Variants in AEN observed in about 807,000 individuals in gnomAD.
The protein encoded by AEN is apoptosis enhancing nuclease.
AEN carries 21 observed loss-of-function variants against 17.7 expected under a neutral mutation model. The observed-to-expected ratio is 1.19, with a 90% confidence interval of 0.84 to 1.71. AEN has a LOEUF of 1.71. Among genes scored for constraint, AEN ranks in the 40% most tolerant of loss-of-function variants. The pLI, the probability that AEN is intolerant of heterozygous loss-of-function variation, is 0.00. For synonymous variants in AEN, 190 were observed against 173.0 expected, an observed-to-expected ratio of 1.10 and a Z score of -0.77; for missense variants, 462 against 435.9, an observed-to-expected ratio of 1.06 and a Z score of -0.53.
In AEN at chr15:88,630,433, A is replaced by G. The variant is rs565627249; in HGVS notation, c.*139A>G. On this transcript the variant is annotated 3_prime_UTR_variant, in exon 4 of 4. Transcript: ENST00000332810. The surrounding 1 kb of genome is among the most constrained non-coding windows in gnomAD (Gnocchi z 5.1). ...CCCCAGGGCCAGAGGAGTAGGGGTC[A>G]TCTGTTACCTTGACACCCTCTGCAC... 6.6e-5 allele frequency: 47 copies of G among 714,544 alleles called. No individual in the cohort carries two copies. In the African/African-American group the frequency reaches 6.9e-4, roughly 10 times the overall value. 44.3% of individuals were successfully genotyped at this position (714,544 alleles called of 1,614,324 possible).
At chr15:88,625,157 T>C (rs954621460) in intron 1 of AEN, among the ~76,000 whole-genome samples, 1 of 152,210 alleles carries the variant, frequency 6.6e-6, no homozygotes, top group South Asian at 2.1e-4. Flanking sequence ...CTGCAAGCAC[T>C]TCAGATCAGG....
chr15:88,604,788 A>T, the AEN span: 1 of 152,164 alleles, frequency 6.6e-6, no homozygotes, highest in Non-Finnish European at 1.5e-5. This position sits in a 1 kb window ranked among gnomAD's most constrained non-coding sequence, Gnocchi z 8.1. Flanking sequence ...CTTCACAAAC[A>T]GCTTCCTCAA....
chr15:88,630,469 C>CCT lies in AEN; in HGVS notation c.*185_*186dup. 1.6e-6 allele frequency: 1 copy of CCT among 617,046 alleles called. No individual in the cohort carries two copies. Among genetic ancestry groups the CCT allele is most frequent in the South Asian group, 2.0e-5 (1 of 50,452 alleles). 38.2% of individuals were successfully genotyped at this position (617,046 alleles called of 1,614,324 possible). On this transcript the variant is annotated 3_prime_UTR_variant, in exon 4 of 4. Transcript: ENST00000332810. This position sits in a 1 kb window ranked among gnomAD's most constrained non-coding sequence, Gnocchi z 5.1. ...TGACACCCTCTGCACACAGCATAGC[C>CCT]CTCTCTCTCTCCAGGGCTGTTGGTT... is the stretch of plus-strand genomic sequence containing the variant.
the AEN span, chr15:88,608,067 A>T: frequency 2.0e-6 from 1 of 509,014 alleles, no homozygotes. Context: ...TTCTTTATGG[A>T]CAAAGGGTCT....
At chr15:88,629,588 G>A (rs745524599) in intron 3 of AEN, among the ~76,000 whole-genome samples, 162 bp downstream of exon 3, 5 of 152,092 alleles carry the variant, frequency 3.3e-5, no homozygotes, top group Admixed American at 6.5e-5. Context: ...TCCTGTACAC[G>A]CAGCTCCAGG....
intron 2 of AEN, chr15:88,626,950 G>T: frequency 1.6e-6 from 1 of 615,624 alleles, no homozygotes. Flanking sequence ...AGGATTGCTG[G>T]CCTGTTGCAC....
the AEN span, among the ~76,000 whole-genome samples, chr15:88,605,386 G>C: frequency 1.3e-5 from 2 of 152,224 alleles, no homozygotes; most frequent in Non-Finnish European, 2.9e-5. This position sits in a 1 kb window ranked among gnomAD's most constrained non-coding sequence, Gnocchi z 7.6. Context: ...TCTAGATGCA[G>C]CTGACTTGTT....
At chr15:88,613,588 G>GA in the AEN span, among the ~76,000 whole-genome samples, 3 of 151,880 alleles carry the variant, frequency 2.0e-5, no homozygotes, top group South Asian at 6.3e-4. Flanking sequence ...AAGCATCTCG[G>GA]GGGGGGATGT....
the AEN span, among the ~76,000 whole-genome samples, chr15:88,611,376 A>G: frequency 6.7e-6 from 1 of 150,044 alleles, no homozygotes; most frequent in Non-Finnish European, 1.5e-5. Flanking sequence ...CAGGAGGATC[A>G]CTTGAGCCCA....
chr15:88,613,097 T>C, the AEN span, among the ~76,000 whole-genome samples: 1,920 of 152,140 alleles, frequency 0.013, 50 homozygotes, highest in African/African-American at 0.044. Context: ...CAAACTAAAG[T>C]TGGGGGTTGG....
chr15:88,627,279 T>C (rs184870288), intron 2 of AEN: 2 of 160,176 alleles, frequency 1.2e-5, no homozygotes, highest in Admixed American at 1.2e-4. Flanking sequence ...TCCATTAGGC[T>C]TGGGGAGGGC....
At chr15:88,616,412 C>T (rs141965948), upstream of AEN, among the ~76,000 whole-genome samples, 3 of 152,194 alleles carry the variant, frequency 2.0e-5, no homozygotes, top group Non-Finnish European at 4.4e-5. Context: ...TATTTTTATT[C>T]AATCCAGGGG....
intron 2 of AEN, chr15:88,627,515 A>G (rs1417460536): frequency 6.6e-6 from 1 of 150,510 alleles, no homozygotes; most frequent in Non-Finnish European, 1.5e-5. Context: ...TGCACAATAC[A>G]CCAATAAGTA....
chr15:88,608,699 T>TC, the AEN span, among the ~76,000 whole-genome samples: 3 of 152,254 alleles, frequency 2.0e-5, no homozygotes, highest in Non-Finnish European at 4.4e-5. Context: ...TTTTTATTTG[T>TC]CTGTTTTTCC....
Position 88,629,333 on chromosome 15 carries a change from T to G in AEN, c.648T>G (p.Tyr216Ter), listed in dbSNP as rs747936115. The change falls in exon 3 of 4, where the codon TAT (tyrosine) becomes TAG (stop). Residue 216 changes from tyrosine to a stop codon, truncating the protein, a stop_gained. Coordinates refer to ENST00000332810, the MANE Select transcript of AEN (RefSeq NM_022767.4). LOFTEE classifies it high-confidence loss of function. ...GGAGCCAGACCCGGGATACGACCTA[T>G]GTCCCAAACTTCCTCAGCGAGCCCG... ...HPRSQTRDTT[Y>*]VPNFLSEPGL... 7 of 1,613,996 alleles carry G rather than the reference T, an allele frequency of 4.3e-6. No individual in the cohort carries two copies. The highest frequency in any genetic ancestry group is 1.1e-5 in the South Asian group (1 of 91,084).
rs2141379532 is a variant in AEN, at chr15:88,632,281, G to A, written c.*1987G>A. On this transcript the variant is annotated 3_prime_UTR_variant, in exon 4 of 4. Transcript: ENST00000332810. ...TAGAATAAAACTCAATTGGAAACGTGGGTGAAGTGGCCCTTCCTGTGAATT... is the reference window on the plus strand; with the variant it reads ...TAGAATAAAACTCAATTGGAAACGTAGGTGAAGTGGCCCTTCCTGTGAATT... 6.6e-6 allele frequency: 1 copy of A among 152,264 alleles called. No homozygotes were observed. The highest frequency in any genetic ancestry group is 2.1e-4 in the South Asian group (1 of 4,808). The allele number at this position is 152,264 out of a possible 1,614,324, so 9.4% of individuals were successfully genotyped here.
chr15:88,628,909 T>G (rs1006852658), intron 2 of AEN: 1 of 292,912 alleles, frequency 3.4e-6, no homozygotes, highest in Non-Finnish European at 6.5e-6. Flanking sequence ...GCAATAGAGT[T>G]GCTTGTATCT....
At chr15:88,606,408 G>GT in the AEN span, among the ~76,000 whole-genome samples, 5 of 152,190 alleles carry the variant, frequency 3.3e-5, no homozygotes, top group East Asian at 3.9e-4. Flanking sequence ...CAAGGTACGC[G>GT]TTTTTTTACC....
At chr15:88,611,964 C>CT in the AEN span, 50 of 464,948 alleles carry the variant, frequency 1.1e-4, 1 homozygote, top group Middle Eastern at 1.6e-3. Flanking sequence ...GGCAGCCCCC[C>CT]TTTTTGGCTA....
Sources: gnomAD v4.1 joint callset for allele counts (sites outside exome capture counted in the v4.1 genomes callset) on GRCh38, gnomAD v4.1.1 for gene constraint, Gnocchi (gnomAD v3.1) non-coding constraint, MANE v1.5 for transcripts, NCBI Gene and HGNC (gene_info 2026-07-23, HGNC 2026-07-21) for gene names.